The following TENM2 variants were observed in gnomAD, a reference collection of about 807,000 sequenced individuals.
TENM2 encodes the protein teneurin-2.
Under a neutral mutation model 245.2 loss-of-function variants are expected in TENM2, and 52 were observed. That is an observed-to-expected ratio of 0.21 (90% confidence interval 0.17 to 0.27). TENM2 has a LOEUF of 0.27. Among genes scored for constraint, TENM2 ranks in the 10% least tolerant of loss-of-function variants. The probability of loss-of-function intolerance (pLI) is 1.00; values close to 1 mark genes in which losing one functional copy is unlikely to be tolerated. For missense variants in TENM2, 3,046 were observed against 3,666.8 expected, an observed-to-expected ratio of 0.83 and a Z score of 4.37; for synonymous variants, 1,363 against 1,438.9, an observed-to-expected ratio of 0.95 and a Z score of 1.19.
In TENM2 at chr5:167,646,243, T is replaced by C. The variant is rs906339049; in HGVS notation, c.503-229743T>C. ...TATATATATATATGTTGTTTTCTTA[T>C]ATATATGAAAAACAACAAAAATCCT... On this transcript the variant is annotated intron_variant, in intron 2 of 28. Coordinates refer to ENST00000518659, the Ensembl canonical transcript of TENM2. Among the ~76,000 whole-genome samples, 3 of 138,424 alleles carry C rather than the reference T, an allele frequency of 2.2e-5. No individual in the cohort carries two copies. The East Asian group carries it at 6.3e-4, about 29-fold the overall frequency. 90.8% of individuals were successfully genotyped at this position (138,424 alleles called of 152,430 possible).
chr5:167,205,197 A>G, the TENM2 span, among the ~76,000 whole-genome samples: 1,064 of 152,272 alleles, frequency 7.0e-3, 9 homozygotes, highest in African/African-American at 0.024. Context: ...CCTGGTCAAC[A>G]TGGCAAAACT....
the TENM2 span, among the ~76,000 whole-genome samples, chr5:167,026,015 T>TG: frequency 6.6e-6 from 1 of 152,192 alleles, no homozygotes; most frequent in Admixed American, 6.5e-5. Context: ...CCCTATCCTT[T>TG]TTTCTTGCCC....
At chr5:167,105,559 T>C in the TENM2 span, among the ~76,000 whole-genome samples, 3 of 152,050 alleles carry the variant, frequency 2.0e-5, no homozygotes, top group East Asian at 5.8e-4. Context: ...AATCAAGTAA[T>C]TAAGTGTTGT....
At chr5:167,870,270 G>A (rs1473194514) in intron 2 of TENM2, among the ~76,000 whole-genome samples, 1 of 152,054 alleles carries the variant, frequency 6.6e-6, no homozygotes, top group Non-Finnish European at 1.5e-5. Context: ...CCTCCTCTGG[G>A]ATGACTTCTA....
At chr5:168,195,703 A>T (rs561964085) in intron 15 of TENM2, among the ~76,000 whole-genome samples, 10 of 151,960 alleles carry the variant, frequency 6.6e-5, no homozygotes, top group Non-Finnish European at 7.4e-5. Context: ...GGTGACAGGA[A>T]TCCACATGAC....
the TENM2 span, among the ~76,000 whole-genome samples, chr5:167,266,637 G>A: frequency 6.6e-6 from 1 of 152,046 alleles, no homozygotes; most frequent in Non-Finnish European, 1.5e-5. Flanking sequence ...GTAATCTTAA[G>A]AAAAGTTTCT....
At chr5:168,086,108 C>CT (rs1322446759) in intron 7 of TENM2, among the ~76,000 whole-genome samples, 4 of 152,178 alleles carry the variant, frequency 2.6e-5, no homozygotes. Context: ...TGTCTTTAAC[C>CT]TTGCCCTCTC....
intron 27 of TENM2, among the ~76,000 whole-genome samples, chr5:168,251,267 A>AC: frequency 6.6e-6 from 1 of 152,220 alleles, no homozygotes; most frequent in African/African-American, 2.4e-5. Context: ...AGCCTCACTG[A>AC]CCCCCTCAGC....
the TENM2 span, among the ~76,000 whole-genome samples, chr5:167,103,412 A>ACTCC: frequency 6.6e-6 from 1 of 152,210 alleles, no homozygotes; most frequent in East Asian, 1.9e-4. Context: ...TACTGTGTTT[A>ACTCC]CCGAAGGAGT....
At chr5:167,657,768 C>T (rs1754944629) in intron 2 of TENM2, among the ~76,000 whole-genome samples, 1 of 152,162 alleles carries the variant, frequency 6.6e-6, no homozygotes, top group Admixed American at 6.5e-5. Context: ...CATAGATAAT[C>T]TTAAATAGAG....
chr5:168,262,115 G>A (rs1768243958), exon 29 of TENM2: 1 of 1,614,008 alleles, frequency 6.2e-7, no homozygotes, highest in African/African-American at 1.3e-5. Flanking sequence ...GGAAGGACAG[G>A]TCATTACTAA....
chr5:168,203,515 T>G (rs1762097527), intron 17 of TENM2, among the ~76,000 whole-genome samples, 174 bp from the exon 20 acceptor site: 2 of 152,222 alleles, frequency 1.3e-5, no homozygotes, highest in Admixed American at 1.3e-4. Flanking sequence ...AATCTGAATT[T>G]AATATTGTAG....
At chr5:167,409,694 T>C (rs952074964) in intron 2 of TENM2, among the ~76,000 whole-genome samples, 2 of 152,026 alleles carry the variant, frequency 1.3e-5, no homozygotes, top group African/African-American at 4.8e-5. Context: ...AAAGAAAGCA[T>C]GTTTAAGTAA....
the TENM2 span, among the ~76,000 whole-genome samples, chr5:167,227,976 T>A: frequency 6.6e-6 from 1 of 152,158 alleles, no homozygotes; most frequent in Non-Finnish European, 1.5e-5. Flanking sequence ...TCTGTCTGAC[T>A]GGGTTATTTA....
At chr5:167,807,175 G>A (rs1365894750) in intron 2 of TENM2, among the ~76,000 whole-genome samples, 1 of 122,888 alleles carries the variant, frequency 8.1e-6, no homozygotes, top group Non-Finnish European at 1.6e-5. Flanking sequence ...AGAAGTTTTT[G>A]TCAGTCGGGA....
intron 2 of TENM2, among the ~76,000 whole-genome samples, chr5:167,578,889 C>T (rs1488988866): frequency 1.3e-5 from 2 of 152,108 alleles, no homozygotes; most frequent in African/African-American, 2.4e-5. Flanking sequence ...CAACAGAGTT[C>T]ACGATGAGAA....
the TENM2 span, among the ~76,000 whole-genome samples, chr5:167,036,757 T>C: frequency 6.6e-6 from 1 of 152,210 alleles, no homozygotes; most frequent in South Asian, 2.1e-4. Flanking sequence ...GTTGTCTGCG[T>C]AATCAGTTGA....
intron 4 of TENM2, among the ~76,000 whole-genome samples, chr5:167,989,535 GGTAGAGAGCCATGGTTCCATGTT>G (rs914563758): frequency 5.3e-5 from 8 of 152,142 alleles, no homozygotes; most frequent in African/African-American, 1.2e-4. Flanking sequence ...TCAAAAAATG[GGTAGAGAGCCATGGTTCCATGTT>G]GTAGAGAGCT....
intron 2 of TENM2, among the ~76,000 whole-genome samples, chr5:167,484,260 G>T (rs370960555): frequency 6.6e-6 from 1 of 152,096 alleles, no homozygotes; most frequent in Non-Finnish European, 1.5e-5. Flanking sequence ...CAGGAGAATC[G>T]CTTGAACCCC....
Sources: allele counts gnomAD v4.1 joint callset (sites outside exome capture counted in the v4.1 genomes callset), GRCh38; gene constraint gnomAD v4.1.1; transcripts MANE v1.5; gene names NCBI Gene and HGNC (gene_info 2026-07-23, HGNC 2026-07-21).